The following KIF26B variants were observed in gnomAD, a reference collection of about 807,000 sequenced individuals.
KIF26B encodes kinesin family member 26B, also known as kinesin-like protein KIF26B.
In KIF26B, 63 loss-of-function variants were observed where a neutral mutation model predicts 151.2. The ratio of observed to expected loss-of-function variants is 0.42; its 90% confidence interval spans 0.34 to 0.51. The LOEUF is 0.51. KIF26B is among the 20% of genes least tolerant of loss of function. KIF26B has a pLI of 0.07. For synonymous variants in KIF26B, 1,357 were observed against 1,262.1 expected, an observed-to-expected ratio of 1.08 and a Z score of -1.59; for missense variants, 2,813 against 2,913.6, an observed-to-expected ratio of 0.97 and a Z score of 0.79.
chr1:245,412,748 T>C (rs1093962), intron 3 of KIF26B, among the ~76,000 whole-genome samples: 22,650 of 152,196 alleles, frequency 0.15, 2,158 homozygotes, highest in African/African-American at 0.26. Context: ...GACATTTAAA[T>C]GTGGTTGAAA....
At chr1:245,500,125 G>A (rs61625053) in intron 4 of KIF26B, among the ~76,000 whole-genome samples, 10,287 of 152,280 alleles carry the variant, frequency 0.068, 511 homozygotes, top group African/African-American at 0.13. Flanking sequence ...GCCCCCAAGT[G>A]TACAGCATTC....
chr1:245,477,320 C>T (rs964236588), intron 4 of KIF26B, among the ~76,000 whole-genome samples: 6 of 149,488 alleles, frequency 4.0e-5, no homozygotes, highest in African/African-American at 1.5e-4. Context: ...CAAGCATGCA[C>T]TGTGTGCCGG....
chr1:245,160,331 T>C (rs1468427111), intron 2 of KIF26B, among the ~76,000 whole-genome samples: 1 of 152,204 alleles, frequency 6.6e-6, no homozygotes, highest in Non-Finnish European at 1.5e-5. Flanking sequence ...GTTGAGATTT[T>C]AAGTGAGAAT....
At chr1:245,428,587 G>A (rs999938160) in intron 4 of KIF26B, among the ~76,000 whole-genome samples, 1 of 152,166 alleles carries the variant, frequency 6.6e-6, no homozygotes, top group African/African-American at 2.4e-5. Flanking sequence ...GTTGTTGGGG[G>A]TGCAGTCCGT....
chr1:245,160,320 T>C lies in KIF26B; in HGVS notation c.465+3637T>C, dbSNP rs573692723. 2.0e-5 allele frequency among the ~76,000 whole-genome samples: 3 copies of C among 152,242 alleles called. No individual in the cohort carries two copies. In the South Asian group the frequency reaches 6.2e-4, roughly 32 times the overall value. On this transcript the variant is annotated intron_variant, in intron 2 of 14. Transcript: ENST00000407071. Reference sequence around the variant, plus strand: ...GATAAAAGAATGTGGACGTGTAAAGTGTTGAGATTTTAAGTGAGAATGGCC... The same window carrying C: ...GATAAAAGAATGTGGACGTGTAAAGCGTTGAGATTTTAAGTGAGAATGGCC...
rs2147957626 is a variant in KIF26B, at chr1:245,688,094, C to T, written c.5111C>T (p.Pro1704Leu). 6 of 1,554,292 alleles carry T rather than the reference C, an allele frequency of 3.9e-6. No individual in the cohort carries two copies. The highest frequency in any genetic ancestry group is 1.9e-5 in the Admixed American group (1 of 52,080). Residue 1704 changes from proline (P) to leucine (L), a missense_variant, in exon 12 of 15, where the codon CCC becomes CTC. Coordinates refer to ENST00000407071, the MANE Select transcript of KIF26B (RefSeq NM_018012.4). ...CACGCGGGCAAGGACGGCACCATGC[C>T]CCGCGCGGGGAGGAGCCTGGGCCGC... ...RLHAGKDGTM[P>L]RAGRSLGRSA...
chr1:245,269,684 C>CGAACTCCT (rs1287592279), intron 2 of KIF26B, among the ~76,000 whole-genome samples: 1 of 151,986 alleles, frequency 6.6e-6, no homozygotes, highest in Non-Finnish European at 1.5e-5. Flanking sequence ...AGGCTGATCT[C>CGAACTCCT]GAACTCCTGA....
At position 245,520,394 on chromosome 1, in the gene KIF26B, A is replaced by T. The variant is rs1183046218; in HGVS notation, c.1167-20373A>T. Among the ~76,000 whole-genome samples the T allele has an allele frequency of 2.6e-5, 4 of 152,336 alleles. No homozygotes were observed. The East Asian group carries it at 7.7e-4, about 29-fold the overall frequency. ...TAATGTGGAACAATTATTACAATGAACACAATAATTGTATTTGTTTTATGA... is the reference window on the plus strand; with the variant it reads ...TAATGTGGAACAATTATTACAATGATCACAATAATTGTATTTGTTTTATGA... On this transcript the variant is annotated intron_variant, in intron 4 of 14. Coordinates refer to ENST00000407071, the MANE Select transcript of KIF26B (RefSeq NM_018012.4).
At chr1:245,201,614 T>C (rs1254620985) in intron 2 of KIF26B, among the ~76,000 whole-genome samples, 1 of 152,226 alleles carries the variant, frequency 6.6e-6, no homozygotes, top group Non-Finnish European at 1.5e-5. Flanking sequence ...TTTCAGGTCT[T>C]AGATCTCTGC....
intron 3 of KIF26B, among the ~76,000 whole-genome samples, chr1:245,397,860 C>T (rs1300987802): frequency 1.3e-5 from 2 of 152,176 alleles, no homozygotes; most frequent in African/African-American, 4.8e-5. Flanking sequence ...TTGTTCATTT[C>T]TAAGTTATTT....
intron 2 of KIF26B, among the ~76,000 whole-genome samples, chr1:245,307,866 A>G (rs12143981): frequency 0.2 from 30,118 of 151,486 alleles, 3,162 homozygotes; most frequent in East Asian, 0.43. Context: ...TCAGCCTCCC[A>G]AGTAGCTGGG....
rs112860219 is a variant in KIF26B at position 245,405,451 on chromosome 1, A to C, written c.1000-14128A>C. Among the ~76,000 whole-genome samples the C allele has an allele frequency of 4.2e-3, 643 of 152,244 alleles. 5 individuals carry two copies. Among genetic ancestry groups the C allele is most frequent in the African/African-American group, 0.015 (625 of 41,550 alleles). On this transcript the variant is annotated intron_variant, in intron 3 of 14. Coordinates refer to ENST00000407071, the MANE Select transcript of KIF26B (RefSeq NM_018012.4). ...TTTTAGTTAATATTCCTTATGGCAA[A>C]TCTGTGATTTTGCAACTAGGATGCA... is the stretch of plus-strand genomic sequence containing the variant.
intron 2 of KIF26B, among the ~76,000 whole-genome samples, chr1:245,191,664 C>T (rs1029851024): frequency 3.9e-5 from 6 of 152,116 alleles, no homozygotes; most frequent in Non-Finnish European, 8.8e-5. Flanking sequence ...AAAGGGCAGG[C>T]GACAATCTGC....
At position 245,593,450 on chromosome 1, in the gene KIF26B, C is replaced by A. The variant is rs535449879; in HGVS notation, c.1351-9127C>A. 2.2e-3 allele frequency among the ~76,000 whole-genome samples: 342 copies of A among 152,246 alleles called. 3 individuals are homozygous for A. Among genetic ancestry groups the A allele is most frequent in the Non-Finnish European group, 4.0e-3 (275 of 68,032 alleles). ...GGTTTTCTATTCCTGTATTAGTTTG[C>A]TGAGAATGATGGTTTCCTGCTTCAT... On this transcript the variant is annotated intron_variant, in intron 5 of 14. Transcript: ENST00000407071.
At chr1:245,392,420 G>A (rs1673723156) in intron 3 of KIF26B, among the ~76,000 whole-genome samples, 2 of 152,146 alleles carry the variant, frequency 1.3e-5, no homozygotes, top group Admixed American at 1.3e-4. Flanking sequence ...TGTACAAAAG[G>A]GATACATTTT....
chr1:245,485,712 A>G (rs1285737613), intron 4 of KIF26B, among the ~76,000 whole-genome samples: 1 of 152,192 alleles, frequency 6.6e-6, no homozygotes, highest in Non-Finnish European at 1.5e-5. Flanking sequence ...CTGCATGTGA[A>G]GGTAACCTTA....
At chr1:245,608,080 T>A (rs2103151068) in intron 7 of KIF26B, among the ~76,000 whole-genome samples, 1 of 152,154 alleles carries the variant, frequency 6.6e-6, no homozygotes, top group East Asian at 1.9e-4. Flanking sequence ...ATAGGGCCCC[T>A]TGCACCACCG....
At chr1:245,591,391 A>G (rs1180350213) in intron 5 of KIF26B, among the ~76,000 whole-genome samples, 1 of 152,166 alleles carries the variant, frequency 6.6e-6, no homozygotes, top group Non-Finnish European at 1.5e-5. Flanking sequence ...TGTTATGGGC[A>G]TTTGCTCTTT....
At chr1:245,620,254 C>T (rs528665829) in intron 9 of KIF26B, among the ~76,000 whole-genome samples, 6 of 152,086 alleles carry the variant, frequency 3.9e-5, no homozygotes, top group East Asian at 1.9e-4. Context: ...TTCGTATTAA[C>T]AGTTCAGTTT....
Sources: gnomAD v4.1 joint callset for allele counts (sites outside exome capture counted in the v4.1 genomes callset) on GRCh38, gnomAD v4.1.1 for gene constraint, MANE v1.5 for transcripts, NCBI Gene and HGNC (gene_info 2026-07-23, HGNC 2026-07-21) for gene names.